Variants in PAPSS2 observed in about 807,000 individuals in gnomAD.
The protein encoded by PAPSS2 is 3'-phosphoadenosine 5'-phosphosulfate synthase 2, also known as bifunctional 3'-phosphoadenosine 5'-phosphosulfate synthase 2.
Under a neutral mutation model 66.5 loss-of-function variants are expected in PAPSS2, and 61 were observed. That is an observed-to-expected ratio of 0.92 (90% confidence interval 0.75 to 1.14). The LOEUF is 1.14. Among genes scored for constraint, PAPSS2 ranks in the 50% most tolerant of loss-of-function variants. The pLI is 0.00. For missense variants in PAPSS2, 708 were observed against 789.6 expected (o/e 0.90, Z 1.24); for synonymous variants, 289 against 287.5 (o/e 1.01, Z -0.05).
At chr10:87,678,660 T>C (rs1852979517) in intron 1 of PAPSS2, among the ~76,000 whole-genome samples, 4 of 151,868 alleles carry the variant, frequency 2.6e-5, no homozygotes, top group Non-Finnish European at 5.9e-5. Flanking sequence ...GACATGTAAA[T>C]GGCCAACAGA....
In PAPSS2 at chr10:87,745,123, G is replaced by T; in HGVS notation, c.1613G>T (p.Gly538Val). 6.2e-7 allele frequency: 1 copy of T among 1,614,158 alleles called. No individual in the cohort carries two copies. The highest frequency in any genetic ancestry group is 8.5e-7 in the Non-Finnish European group (1 of 1,179,996). ...KKDLYEPTHG[G>V]KVLSMAPGLT... ...GATCTGTATGAACCCACTCATGGGG[G>T]CAAGGTCTTGAGCATGGCCCCTGGC... The change falls in exon 12 of 13, where the codon GGC becomes GTC. Residue 538 changes from glycine to valine, a missense_variant. Transcript: ENST00000456849.
intron 2 of PAPSS2, 43 bp from the exon 3 acceptor site, chr10:87,713,032 A>G (rs1310455831): frequency 9.4e-7 from 1 of 1,069,516 alleles, no homozygotes; most frequent in Non-Finnish European, 1.5e-6. Context: ...GTCATCTTAA[A>G]CTATCCAGGC....
chr10:87,716,622 T>A (rs1055035721), intron 7 of PAPSS2, among the ~76,000 whole-genome samples: 6 of 152,112 alleles, frequency 3.9e-5, no homozygotes, highest in Non-Finnish European at 2.9e-5. Context: ...GGAAGAAAAA[T>A]CAAATAAGAT....
At chr10:87,671,869 CTG>C (rs141301379) in intron 1 of PAPSS2, among the ~76,000 whole-genome samples, 7,071 of 152,186 alleles carry the variant, frequency 0.046, 463 homozygotes, top group African/African-American at 0.15. Flanking sequence ...GGGTTGAACA[CTG>C]TAATTGTGTG....
In PAPSS2 at chr10:87,713,248, G is replaced by A. The variant is rs1158040259; in HGVS notation, c.319G>A (p.Ala107Thr). ...EENIRRIAEV[A>T]KLFADAGLVC... is the part of the protein sequence containing the mutation. ...AAATATCCGCCGGATTGCTGAGGTG[G>A]CTAAGCTGTTTGCTGATGCTGGTCT... Residue 107 changes from alanine to threonine, a missense_variant, in exon 3 of 13, where the codon GCT becomes ACT. By Grantham distance (58) the Ala-to-Thr change is moderately conservative. Transcript: ENST00000456849. 1 of 1,600,800 alleles carries A rather than the reference G, an allele frequency of 6.2e-7. No individual in the cohort carries two copies. The highest frequency in any genetic ancestry group is 8.5e-7 in the Non-Finnish European group (1 of 1,175,582).
intron 6 of PAPSS2, 42 bp from the exon 7 acceptor site, chr10:87,715,690 C>T (rs749390627): frequency 2.3e-6 from 3 of 1,313,310 alleles, no homozygotes; most frequent in Non-Finnish European, 2.2e-6. Context: ...GCCTGGAAAA[C>T]AGAACTTATG....
At chr10:87,687,818 TAAA>T (rs1853107199) in intron 1 of PAPSS2, among the ~76,000 whole-genome samples, 1 of 148,568 alleles carries the variant, frequency 6.7e-6, no homozygotes, top group Admixed American at 6.9e-5. Context: ...ATTAAAAATT[TAAA>T]AAACTCTTAA....
At position 87,709,326 on chromosome 10, in the gene PAPSS2, CAT is replaced by C. The variant is rs72025574; in HGVS notation, c.145+31_145+32del. The C allele has an allele frequency of 0.032, 35,225 of 1,092,236 alleles. 10 individuals are homozygous for C. Among genetic ancestry groups the C allele is most frequent in the Non-Finnish European group, 0.036 (26,823 of 736,550 alleles). The allele number at this position is 1,092,236 out of a possible 1,614,324, so 67.7% of individuals were successfully genotyped here. A position where few individuals can be genotyped will look rare whatever the true frequency, so the allele number is the denominator to read the frequency against. ...GTGTGGCTAACAGGTATGTCATGTT[CAT>C]ATATATATATATATATACAAATTGC... is the stretch of plus-strand genomic sequence containing the variant. On this transcript the variant is annotated intron_variant, in intron 2 of 12. Transcript: ENST00000456849.
intron 1 of PAPSS2, among the ~76,000 whole-genome samples, chr10:87,669,798 T>TA (rs764844413): frequency 1.3e-5 from 2 of 152,252 alleles, no homozygotes; most frequent in Non-Finnish European, 2.9e-5. Flanking sequence ...AATGGGTCTT[T>TA]AAAGAGTTAC....
At chr10:87,696,288 G>A (rs1040653549) in intron 1 of PAPSS2, among the ~76,000 whole-genome samples, 1 of 152,102 alleles carries the variant, frequency 6.6e-6, no homozygotes, top group Non-Finnish European at 1.5e-5. Flanking sequence ...TTGCCCTTCT[G>A]TGGAGTTTCA....
chr10:87,723,656 G>A (rs935539040), intron 8 of PAPSS2, among the ~76,000 whole-genome samples: 5 of 133,808 alleles, frequency 3.7e-5, no homozygotes, highest in African/African-American at 1.5e-4. Context: ...TGATAGACCG[G>A]ATTTGTTTAT....
chr10:87,675,213 C>T (rs1852930054), intron 1 of PAPSS2, among the ~76,000 whole-genome samples: 1 of 152,220 alleles, frequency 6.6e-6, no homozygotes, highest in Admixed American at 6.5e-5. Flanking sequence ...AGTATTACCT[C>T]TTTCTTCTAT....
intron 3 of PAPSS2, among the ~76,000 whole-genome samples, chr10:87,713,529 A>G (rs1027482267): frequency 2.0e-5 from 3 of 152,172 alleles, no homozygotes; most frequent in South Asian, 2.1e-4. Flanking sequence ...CCAGGGCACC[A>G]GTAGACATAA....
intron 1 of PAPSS2, among the ~76,000 whole-genome samples, chr10:87,674,236 C>T (rs1339064586): frequency 6.6e-6 from 1 of 152,240 alleles, no homozygotes; most frequent in Non-Finnish European, 1.5e-5. Flanking sequence ...ACGATCTCGG[C>T]TCACTGCAAC....
At position 87,740,442 on chromosome 10, in the gene PAPSS2, A is replaced by G. The variant is rs192205282; in HGVS notation, c.1087-793A>G. ...ATATTGCAAAATCATTCATGGGTAAATGATTCATCCAAAGCACAGTGAACT... is the reference window on the plus strand; with the variant it reads ...ATATTGCAAAATCATTCATGGGTAAGTGATTCATCCAAAGCACAGTGAACT... On this transcript the variant is annotated intron_variant, in intron 9 of 12. Coordinates refer to ENST00000456849, the MANE Select transcript of PAPSS2 (RefSeq NM_001015880.2). 3.9e-5 allele frequency among the ~76,000 whole-genome samples: 6 copies of G among 152,350 alleles called. No individual in the cohort carries two copies. The East Asian group carries it at 1.2e-3, about 29-fold the overall frequency.
chr10:87,688,174 AAGCT>A (rs1186137548), intron 1 of PAPSS2, among the ~76,000 whole-genome samples: 5 of 151,958 alleles, frequency 3.3e-5, no homozygotes, highest in African/African-American at 1.2e-4. Context: ...TAACACTAAA[AAGCT>A]AATTAATATA....
In PAPSS2 at chr10:87,738,648, A is replaced by G. The variant is rs78927855; in HGVS notation, c.1087-2587A>G. ...TGGTCTCAAACTCTGGGCTTAAGCA[A>G]TCCACCCAACTTGGCTCATGCTGGG... On this transcript the variant is annotated intron_variant, in intron 9 of 12. Transcript: ENST00000456849. Among the ~76,000 whole-genome samples, 559 of 152,208 alleles carry G rather than the reference A, an allele frequency of 3.7e-3. 3 individuals are homozygous for G. Among genetic ancestry groups the G allele is most frequent in the Middle Eastern group, 0.01 (3 of 294 alleles).
chr10:87,747,049 C>G lies in PAPSS2; in HGVS notation c.*1079C>G, dbSNP rs1456244012. On this transcript the variant is annotated 3_prime_UTR_variant, in exon 13 of 13. Coordinates refer to ENST00000456849, the MANE Select transcript of PAPSS2 (RefSeq NM_001015880.2). ...TCCCAGTCTGGTGCCCTGTCTACACCAGACAACACAGGAGCTGGGTCAGAT... is the reference window on the plus strand; with the variant it reads ...TCCCAGTCTGGTGCCCTGTCTACACGAGACAACACAGGAGCTGGGTCAGAT... 3 of 152,142 alleles carry G rather than the reference C, an allele frequency of 2.0e-5. No individual in the cohort carries two copies. Among genetic ancestry groups the G allele is most frequent in the Admixed American group, 6.5e-5 (1 of 15,280 alleles). The allele number at this position is 152,142 out of a possible 1,614,324, so 9.4% of individuals were successfully genotyped here. A position where few individuals can be genotyped will look rare whatever the true frequency, so the allele number is the denominator to read the frequency against.
intron 8 of PAPSS2, among the ~76,000 whole-genome samples, chr10:87,724,400 C>G (rs530180090): frequency 2.0e-5 from 3 of 151,736 alleles, no homozygotes; most frequent in Admixed American, 2.0e-4. Flanking sequence ...GATGGGGAGA[C>G]CTGTGGGATT....
Sources: allele counts gnomAD v4.1 joint callset (sites outside exome capture counted in the v4.1 genomes callset), GRCh38; gene constraint gnomAD v4.1.1; transcripts MANE v1.5; gene names NCBI Gene and HGNC (gene_info 2026-07-23, HGNC 2026-07-21).